The following RNF150 variants were observed in gnomAD, a reference collection of about 807,000 sequenced individuals.
The protein encoded by RNF150 is ring finger protein 150.
RNF150 carries 24 observed loss-of-function variants against 39.3 expected under a neutral mutation model. The ratio of observed to expected loss-of-function variants is 0.61; its 90% CI spans 0.44 to 0.86. The LOEUF is 0.86. Among genes scored for constraint, RNF150 ranks in the 40% least tolerant of loss-of-function variants. The pLI is 0.00. For synonymous variants in RNF150, 255 were observed against 227.3 expected (o/e 1.12, Z -1.10); for missense variants, 502 against 587.8 (o/e 0.85, Z 1.51).
intron 1 of RNF150, among the ~76,000 whole-genome samples, chr4:141,048,688 T>C (rs1736669471): frequency 6.6e-6 from 1 of 152,154 alleles, no homozygotes; most frequent in Admixed American, 6.6e-5. Context: ...AGCTATGGTC[T>C]GACCACTGTA....
At chr4:141,173,480 AGAAGAT>A (rs1232382771) in intron 1 of RNF150, among the ~76,000 whole-genome samples, 1 of 152,230 alleles carries the variant, frequency 6.6e-6, no homozygotes, top group African/African-American at 2.4e-5. Context: ...TCCATTTGAC[AGAAGAT>A]GAAATTGAGG....
Position 141,132,757 on chromosome 4 carries a change from G to C in RNF150, c.52C>G (p.Leu18Val). 6.2e-7 allele frequency: 1 copy of C among 1,610,810 alleles called. No individual in the cohort carries two copies. Among genetic ancestry groups the C allele is most frequent in the South Asian group, 1.1e-5 (1 of 91,042 alleles). ...AGATGCACGAAACAAAAGGAAAGCA[G>C]CCATGTTGAGAGAGCCAGACTGCAG... The part of the protein sequence containing the change: ...ACCSLALSTW[L>V]LSFCFVHLLC... Residue 18 changes from leucine to valine, a missense_variant, in exon 1 of 7, where the codon CTG (leucine) becomes GTG (valine). By Grantham distance (32) the Leu-to-Val change is conservative (BLOSUM62 1). Transcript: ENST00000515673. This position sits in a 1 kb window ranked among gnomAD's most constrained non-coding sequence, Gnocchi z 4.9.
chr4:140,868,183 G>A lies in RNF150; in HGVS notation c.*78C>T. The stretch of plus-strand genomic sequence containing the variant: ...CAAGGTGATCTGGAGGTGTGTGTGT[G>A]CCTGGTCCAAGTCTTGGAGCACTCT... On this transcript the variant is annotated 3_prime_UTR_variant, in exon 7 of 7. Transcript: ENST00000515673. 1.2e-6 allele frequency: 1 copy of A among 836,940 alleles called. No homozygotes were observed. Among genetic ancestry groups the A allele is most frequent in the Non-Finnish European group, 2.1e-6 (1 of 481,572 alleles). The allele number at this position is 836,940 out of a possible 1,614,324, so 51.8% of individuals were successfully genotyped here.
At position 141,067,462 on chromosome 4, in the gene RNF150, G is replaced by A. The variant is rs564373363; in HGVS notation, c.484+64863C>T. On this transcript the variant is annotated intron_variant, in intron 1 of 6. Transcript: ENST00000515673. Reference sequence around the variant, plus strand: ...CCTTGGACTCATCAAATGAAAGTCTGTGGCTGGATATGCCTACATAGCAGA... The same window carrying A: ...CCTTGGACTCATCAAATGAAAGTCTATGGCTGGATATGCCTACATAGCAGA... Among the ~76,000 whole-genome samples the A allele has an allele frequency of 1.6e-4, 25 of 152,294 alleles. No homozygotes were observed. In the South Asian group the frequency reaches 5.2e-3, roughly 32 times the overall value.
intron 1 of RNF150, among the ~76,000 whole-genome samples, chr4:140,986,664 C>G (rs1404723284): frequency 6.6e-6 from 1 of 152,032 alleles, no homozygotes; most frequent in Non-Finnish European, 1.5e-5. Context: ...CCTACCATTC[C>G]TCCTTATTTC....
intron 1 of RNF150, among the ~76,000 whole-genome samples, chr4:141,101,028 G>A (rs1010481844): frequency 7.2e-5 from 11 of 152,124 alleles, no homozygotes; most frequent in Admixed American, 2.6e-4. Context: ...ATATGAAGGC[G>A]TAGGACATTA....
chr4:141,126,691 A>G (rs764715226), intron 1 of RNF150, among the ~76,000 whole-genome samples: 1 of 152,190 alleles, frequency 6.6e-6, no homozygotes, highest in Non-Finnish European at 1.5e-5. Flanking sequence ...TGCAGGCCCC[A>G]GTTACTGGGT....
At chr4:140,914,048 TAATG>T (rs1730719678) in intron 5 of RNF150, among the ~76,000 whole-genome samples, 1 of 152,208 alleles carries the variant, frequency 6.6e-6, no homozygotes, top group African/African-American at 2.4e-5. Context: ...TATGCAATAA[TAATG>T]GACATATTTT....
chr4:141,078,318 A>G (rs1027098665), intron 1 of RNF150, among the ~76,000 whole-genome samples: 2 of 152,134 alleles, frequency 1.3e-5, no homozygotes, highest in Admixed American at 1.3e-4. Flanking sequence ...CCCTCTTCTT[A>G]AAATCTCAGA....
chr4:140,960,332 G>T (rs1732970235), intron 2 of RNF150, among the ~76,000 whole-genome samples: 1 of 152,066 alleles, frequency 6.6e-6, no homozygotes, highest in South Asian at 2.1e-4. Flanking sequence ...TCTATATTTT[G>T]GTCTTCATTC....
chr4:140,923,486 G>T (rs1731247620), intron 5 of RNF150, among the ~76,000 whole-genome samples: 1 of 152,152 alleles, frequency 6.6e-6, no homozygotes, highest in African/African-American at 2.4e-5. Context: ...TGCTGGAGAG[G>T]ATGTGGAGAA....
intron 1 of RNF150, among the ~76,000 whole-genome samples, chr4:141,055,265 T>C (rs1461092060): frequency 6.6e-6 from 1 of 151,996 alleles, no homozygotes; most frequent in Non-Finnish European, 1.5e-5. Flanking sequence ...TAATCCAGAG[T>C]ATGGCTGGAA....
upstream of RNF150, among the ~76,000 whole-genome samples, chr4:141,135,475 C>T (rs924929766): frequency 1.3e-5 from 2 of 152,176 alleles, no homozygotes; most frequent in African/African-American, 4.8e-5. Context: ...GGAAAGGGCT[C>T]CCACTGGCCA....
rs183501210 is a variant in RNF150 at position 141,138,680 on chromosome 4, C to T, written c.-6+74114G>A. Among the ~76,000 whole-genome samples, 205 of 152,226 alleles carry T rather than the reference C, an allele frequency of 1.3e-3. 1 individual carries two copies. Among genetic ancestry groups the T allele is most frequent in the African/African-American group, 4.6e-3 (189 of 41,536 alleles). ...GGACATTTGGCACCAGGACATTTGGCGCCAGGCAATCCAGGATTAGAATCT... is the reference window on the plus strand; with the variant it reads ...GGACATTTGGCACCAGGACATTTGGTGCCAGGCAATCCAGGATTAGAATCT... On this transcript the variant is annotated intron_variant, in intron 1 of 7. Coordinates refer to the RNF150 transcript ENST00000420921.
chr4:140,995,140 C>T (rs956256549), intron 1 of RNF150, among the ~76,000 whole-genome samples: 1 of 152,194 alleles, frequency 6.6e-6, no homozygotes. Flanking sequence ...CCCTACTACT[C>T]TTTCCAGCCT....
chr4:141,167,990 A>G (rs1727632070), intron 1 of RNF150, among the ~76,000 whole-genome samples: 1 of 152,224 alleles, frequency 6.6e-6, no homozygotes, highest in Non-Finnish European at 1.5e-5. Flanking sequence ...AGAAATCATC[A>G]TCAGAGTGAA....
intron 1 of RNF150, among the ~76,000 whole-genome samples, chr4:141,092,019 T>C (rs1240578013): frequency 6.6e-6 from 1 of 152,232 alleles, no homozygotes; most frequent in Non-Finnish European, 1.5e-5. Context: ...TTCATTATAC[T>C]GACTTAAGTC....
In RNF150 at chr4:140,947,655, G is replaced by A. The variant is rs374361045; in HGVS notation, c.889C>T (p.Arg297Trp). 5.0e-6 allele frequency: 8 copies of A among 1,609,468 alleles called. No individual in the cohort carries two copies. Among genetic ancestry groups the A allele is most frequent in the Admixed American group, 3.4e-5 (2 of 59,690 alleles). ...PNDVVRILPCRHLFHKSCVDP... is the reference protein window; with the variant it reads ...PNDVVRILPCWHLFHKSCVDP... ...AAAGCAGGCAGCCTAGTGACTCACC[G>A]GCAGGGCAGGATCCGGACAACGTCA... is the stretch of plus-strand genomic sequence containing the variant. The change falls in exon 4 of 7, where the codon CGG (arginine) becomes TGG (tryptophan). Residue 297 changes from arginine (R) to tryptophan (W), a missense_variant and splice_region_variant. Arg to Trp is a moderately radical substitution (Grantham distance 101). Coordinates refer to ENST00000515673, the MANE Select transcript of RNF150 (RefSeq NM_020724.2).
intron 6 of RNF150, among the ~76,000 whole-genome samples, chr4:140,890,403 A>T (rs1228595108): frequency 1.3e-5 from 2 of 152,122 alleles, no homozygotes; most frequent in African/African-American, 4.8e-5. Context: ...TATTATAACA[A>T]TTTTTCCCTG....
Sources: gnomAD v4.1 joint callset for allele counts (sites outside exome capture counted in the v4.1 genomes callset) on GRCh38, gnomAD v4.1.1 for gene constraint, Gnocchi (gnomAD v3.1) non-coding constraint, MANE v1.5 for transcripts, NCBI Gene and HGNC (gene_info 2026-07-23, HGNC 2026-07-21) for gene names.